The following RPS6KC1 variants were observed in gnomAD, a reference collection of about 807,000 sequenced individuals.
The protein encoded by RPS6KC1 is inactive ribosomal protein S6 kinase delta-1.
Under a neutral mutation model 103.8 loss-of-function variants are expected in RPS6KC1, and 54 were observed. The observed-to-expected ratio is 0.52, with a 90% CI of 0.42 to 0.65. The LOEUF (loss-of-function observed/expected upper bound fraction) is 0.65, where lower values mean the gene tolerates loss of function less well. Among genes scored for constraint, RPS6KC1 ranks in the 30% least tolerant of loss-of-function variants. The probability of loss-of-function intolerance (pLI) is 0.00; values close to 1 mark genes in which losing one functional copy is unlikely to be tolerated. For missense variants in RPS6KC1, 1,151 were observed against 1,253.8 expected, an observed-to-expected ratio of 0.92 and a Z score of 1.24; for synonymous variants, 439 against 438.7, an observed-to-expected ratio of 1.00 and a Z score of -0.01.
intron 8 of RPS6KC1, among the ~76,000 whole-genome samples, chr1:213,212,330 G>A (rs1474995461): frequency 6.6e-6 from 1 of 152,020 alleles, no homozygotes; most frequent in Non-Finnish European, 1.5e-5. Context: ...AATCAGTATG[G>A]AATCAGTATG....
chr1:213,420,935 G>A, the RPS6KC1 span, among the ~76,000 whole-genome samples: 3 of 152,040 alleles, frequency 2.0e-5, no homozygotes, highest in South Asian at 2.1e-4. Flanking sequence ...TTCACACAGC[G>A]TTATCCCTGG....
the RPS6KC1 span, among the ~76,000 whole-genome samples, chr1:213,651,088 A>C: frequency 6.6e-6 from 1 of 151,992 alleles, no homozygotes; most frequent in South Asian, 2.1e-4. Context: ...GTGTAGGGAG[A>C]AAAGTGGGAT....
the RPS6KC1 span, among the ~76,000 whole-genome samples, chr1:213,502,510 T>A: frequency 6.6e-6 from 1 of 152,204 alleles, no homozygotes; most frequent in African/African-American, 2.4e-5. Context: ...TATCACTTTT[T>A]ATGTATCAAA....
chr1:213,526,802 A>G, the RPS6KC1 span, among the ~76,000 whole-genome samples: 10 of 152,174 alleles, frequency 6.6e-5, no homozygotes. Flanking sequence ...CAAAACCTTT[A>G]TTTGGAAATA....
intron 14 of RPS6KC1, among the ~76,000 whole-genome samples, chr1:213,263,783 G>A (rs1291222274): frequency 6.6e-6 from 1 of 152,120 alleles, no homozygotes; most frequent in African/African-American, 2.4e-5. Flanking sequence ...CATACCACAT[G>A]GAAATTGATA....
chr1:213,296,033 A>C, the RPS6KC1 span, among the ~76,000 whole-genome samples: 2 of 152,234 alleles, frequency 1.3e-5, no homozygotes, highest in Non-Finnish European at 2.9e-5. Flanking sequence ...CCAGTAAAAA[A>C]AATGCCAGTC....
chr1:213,068,483 CAAAAAAA>C (rs71147057), intron 1 of RPS6KC1, among the ~76,000 whole-genome samples: 12 of 36,348 alleles, frequency 3.3e-4, no homozygotes, highest in East Asian at 3.3e-3. Context: ...GACTCTGTCT[CAAAAAAA>C]AAAAAAAAAA....
At chr1:213,762,313 C>G in the RPS6KC1 span, among the ~76,000 whole-genome samples, 1 of 152,200 alleles carries the variant, frequency 6.6e-6, no homozygotes, top group East Asian at 1.9e-4. Flanking sequence ...GCCTCATTTC[C>G]TTTCTGCACT....
the RPS6KC1 span, among the ~76,000 whole-genome samples, chr1:213,674,250 C>A: frequency 6.6e-6 from 1 of 152,218 alleles, no homozygotes; most frequent in South Asian, 2.1e-4. Context: ...AACTCCTAAT[C>A]TCAGGTGGTC....
the RPS6KC1 span, among the ~76,000 whole-genome samples, chr1:213,438,368 A>G: frequency 1.3e-5 from 2 of 152,160 alleles, no homozygotes; most frequent in African/African-American, 4.8e-5. Flanking sequence ...GTATATGAAA[A>G]ATCATGAGTT....
chr1:213,418,865 G>C, the RPS6KC1 span, among the ~76,000 whole-genome samples: 7 of 152,222 alleles, frequency 4.6e-5, no homozygotes, highest in Non-Finnish European at 1.0e-4. Context: ...GCCAGGCAGA[G>C]TGTACTCAGC....
chr1:213,854,796 T>C, the RPS6KC1 span, among the ~76,000 whole-genome samples: 1 of 152,210 alleles, frequency 6.6e-6, no homozygotes, highest in African/African-American at 2.4e-5. Context: ...AAGCAGCCTC[T>C]GGTTAGAGTC....
intron 1 of RPS6KC1, among the ~76,000 whole-genome samples, chr1:213,062,157 G>C (rs940158313): frequency 2.0e-5 from 3 of 152,030 alleles, no homozygotes; most frequent in Admixed American, 1.3e-4. Flanking sequence ...AATCCAAAAT[G>C]CTCCAAAATC....
At chr1:213,762,971 G>C in the RPS6KC1 span, among the ~76,000 whole-genome samples, 77 of 150,758 alleles carry the variant, frequency 5.1e-4, no homozygotes, top group African/African-American at 1.8e-3. Flanking sequence ...AAGCAATTCT[G>C]CCTTAGCCTC....
intron 5 of RPS6KC1, among the ~76,000 whole-genome samples, chr1:213,128,258 A>G (rs1039097272): frequency 2.0e-5 from 3 of 152,208 alleles, no homozygotes; most frequent in Admixed American, 6.5e-5. Context: ...CAGTGCAAAA[A>G]TGTAAAACAA....
chr1:213,693,213 G>A, the RPS6KC1 span, among the ~76,000 whole-genome samples: 165 of 152,258 alleles, frequency 1.1e-3, 1 homozygote, highest in African/African-American at 3.8e-3. Context: ...AGTGCCACCT[G>A]GCTGCCCTCT....
At chr1:213,368,871 G>A in the RPS6KC1 span, among the ~76,000 whole-genome samples, 7 of 152,274 alleles carry the variant, frequency 4.6e-5, no homozygotes, top group East Asian at 1.9e-4. Context: ...AAGCTTTGTC[G>A]GTTTTTATGT....
chr1:213,147,431 A>G (rs1218011578), intron 6 of RPS6KC1, among the ~76,000 whole-genome samples: 2 of 152,232 alleles, frequency 1.3e-5, no homozygotes, highest in African/African-American at 4.8e-5. Flanking sequence ...CAGTTTTCCC[A>G]GTACCATTTA....
At chr1:213,746,527 G>T in the RPS6KC1 span, among the ~76,000 whole-genome samples, 1 of 152,212 alleles carries the variant, frequency 6.6e-6, no homozygotes, top group Non-Finnish European at 1.5e-5. Context: ...ATAGGTCATT[G>T]TAAGATCTTT....
Sources: gnomAD v4.1 joint callset for allele counts (sites outside exome capture counted in the v4.1 genomes callset) on GRCh38, gnomAD v4.1.1 for gene constraint, MANE v1.5 for transcripts, NCBI Gene and HGNC (gene_info 2026-07-23, HGNC 2026-07-21) for gene names.